EIF4E3: variants seen among roughly 807,000 people sequenced by gnomAD.
The protein encoded by EIF4E3 is eukaryotic translation initiation factor 4E type 3.
Under a neutral mutation model 31.7 loss-of-function variants are expected in EIF4E3, and 26 were observed. The observed-to-expected ratio is 0.82, with a 90% CI of 0.60 to 1.14. EIF4E3 has a LOEUF of 1.14. EIF4E3 is among the 50% of genes most tolerant of loss of function. The pLI is 0.00. For synonymous variants in EIF4E3, 128 were observed against 107.7 expected (o/e 1.19, Z -1.17); for missense variants, 304 against 270.9 (o/e 1.12, Z -0.86).
chr3:71,702,795 A>C (rs1027521117), intron 2 of EIF4E3, among the ~76,000 whole-genome samples: 2 of 151,860 alleles, frequency 1.3e-5, no homozygotes, highest in African/African-American at 4.8e-5. Flanking sequence ...TCCAATAGGT[A>C]GAATATTTGT....
chr3:71,692,762 T>G (rs1240232381), intron 5 of EIF4E3, among the ~76,000 whole-genome samples: 1 of 151,892 alleles, frequency 6.6e-6, no homozygotes, highest in African/African-American at 2.4e-5. Context: ...CCCAGCTAAT[T>G]TTTGCATTTT....
At chr3:71,689,919 A>G (rs949642) in intron 6 of EIF4E3, 91 bp downstream of exon 6, 235,694 of 1,208,918 alleles carry the variant, frequency 0.19, 30,574 homozygotes, top group East Asian at 0.68. Context: ...TTTCAAGTAA[A>G]TCTGCCTTCA....
chr3:71,694,829 T>G (rs187841226), intron 4 of EIF4E3, among the ~76,000 whole-genome samples: 4 of 152,226 alleles, frequency 2.6e-5, no homozygotes, highest in African/African-American at 9.6e-5. Context: ...CTGTTGTGGG[T>G]ATGAAATTAG....
At chr3:71,687,801 C>A (rs1346453888) in intron 6 of EIF4E3, among the ~76,000 whole-genome samples, 1 of 152,226 alleles carries the variant, frequency 6.6e-6, no homozygotes, top group African/African-American at 2.4e-5. Flanking sequence ...AATCTACAGT[C>A]ACCTGGCTTA....
intron 1 of EIF4E3, among the ~76,000 whole-genome samples, chr3:71,751,272 G>A (rs886669082): frequency 7.2e-5 from 11 of 152,074 alleles, no homozygotes; most frequent in Non-Finnish European, 1.3e-4. Context: ...ACACTTACTT[G>A]AAAGTAAGTG....
At chr3:71,708,769 T>C (rs930687669) in intron 2 of EIF4E3, among the ~76,000 whole-genome samples, 7 of 152,194 alleles carry the variant, frequency 4.6e-5, no homozygotes, top group African/African-American at 1.7e-4. Flanking sequence ...CGCTGGGAAA[T>C]GGTAACAGAA....
chr3:71,664,147 TG>T, the EIF4E3 span, among the ~76,000 whole-genome samples: 3 of 152,174 alleles, frequency 2.0e-5, no homozygotes, highest in Non-Finnish European at 1.5e-5. Flanking sequence ...GGGGAGCCAC[TG>T]CATCACCAAG....
chr3:71,698,881 C>A (rs937481723), intron 3 of EIF4E3, among the ~76,000 whole-genome samples: 1 of 152,206 alleles, frequency 6.6e-6, no homozygotes, highest in Non-Finnish European at 1.5e-5. Flanking sequence ...TACCAGTGAA[C>A]TTCCCAGTCA....
rs371691457 is a variant in EIF4E3 at position 71,712,335 on chromosome 3, G to A, written c.177-1851C>T. On this transcript the variant is annotated intron_variant, in intron 1 of 6. Transcript: ENST00000425534. ...ACATCAGTCCACGTGGATTGACTGG[G>A]CTATAGTTACTAAAGTATCAACTTG... is the stretch of plus-strand genomic sequence containing the variant. Among the ~76,000 whole-genome samples the A allele has an allele frequency of 2.2e-4, 33 of 152,224 alleles. 2 individuals are homozygous for A. The highest frequency in any genetic ancestry group is 1.7e-3 in the Admixed American group (26 of 15,294).
intron 2 of EIF4E3, among the ~76,000 whole-genome samples, chr3:71,701,151 T>C (rs2108051949): frequency 6.6e-6 from 1 of 152,324 alleles, no homozygotes; most frequent in East Asian, 1.9e-4. Flanking sequence ...TATTTGGTTA[T>C]AGTAGCCTGA....
upstream of EIF4E3, among the ~76,000 whole-genome samples, chr3:71,727,806 C>T (rs572938940): frequency 1.1e-4 from 17 of 152,304 alleles, no homozygotes; most frequent in South Asian, 3.5e-3. Flanking sequence ...GTCAAACTGT[C>T]AAGTTTAGCT....
intron 6 of EIF4E3, 82 bp downstream of exon 6, chr3:71,689,928 C>T (rs2049040163): frequency 2.3e-6 from 3 of 1,278,940 alleles, no homozygotes; most frequent in Non-Finnish European, 3.1e-6. Flanking sequence ...AATCTGCCTT[C>T]ACCACATTTG....
intron 1 of EIF4E3, among the ~76,000 whole-genome samples, chr3:71,713,732 G>A (rs1222857772): frequency 1.3e-5 from 2 of 152,054 alleles, no homozygotes; most frequent in Admixed American, 6.6e-5. Flanking sequence ...CCATCACCTC[G>A]AGGCCTGAAC....
At chr3:71,746,412 T>C (rs1481807526) in intron 1 of EIF4E3, among the ~76,000 whole-genome samples, 1 of 152,250 alleles carries the variant, frequency 6.6e-6, no homozygotes, top group Admixed American at 6.5e-5. Flanking sequence ...CAGGTTTACC[T>C]AAACATCAAA....
In EIF4E3 at chr3:71,694,919, T is replaced by G. The variant is rs915454448; in HGVS notation, c.406-978A>C. ...ATTTAAGATCCATGCCATAAACAGC[T>G]GTGTGTTTGCTACATTCCAAGTGCT... On this transcript the variant is annotated intron_variant, in intron 4 of 6. Coordinates refer to ENST00000425534, the MANE Select transcript of EIF4E3 (RefSeq NM_001134651.2). Among the ~76,000 whole-genome samples, 18 of 152,346 alleles carry G rather than the reference T, an allele frequency of 1.2e-4. No individual in the cohort carries two copies. The South Asian group carries it at 3.7e-3, about 32-fold the overall frequency.
At chr3:71,667,095 C>G in the EIF4E3 span, among the ~76,000 whole-genome samples, 2 of 152,196 alleles carry the variant, frequency 1.3e-5, no homozygotes, top group Non-Finnish European at 2.9e-5. Flanking sequence ...AAGGCTGGTT[C>G]AACATACACA....
intron 1 of EIF4E3, among the ~76,000 whole-genome samples, chr3:71,738,420 C>T (rs2049785323): frequency 6.6e-6 from 1 of 151,910 alleles, no homozygotes; most frequent in African/African-American, 2.4e-5. Context: ...AAAAAACTCA[C>T]TTCAAATACA....
chr3:71,710,063 A>G (rs558117226), intron 2 of EIF4E3, among the ~76,000 whole-genome samples: 204 of 127,000 alleles, frequency 1.6e-3, no homozygotes, highest in African/African-American at 8.6e-3. Context: ...ACAGAGGCAC[A>G]GAGAGGCACT....
intron 2 of EIF4E3, among the ~76,000 whole-genome samples, chr3:71,703,500 T>C (rs1175352320): frequency 6.6e-6 from 1 of 152,228 alleles, no homozygotes. Context: ...TGAAAGCACT[T>C]GCTAGGCCTA....
Sources: allele counts gnomAD v4.1 joint callset (sites outside exome capture counted in the v4.1 genomes callset), GRCh38; gene constraint gnomAD v4.1.1; transcripts MANE v1.5; gene names NCBI Gene and HGNC (gene_info 2026-07-23, HGNC 2026-07-21).